Variants in SORBS2 observed in about 807,000 individuals in gnomAD.
SORBS2 encodes the protein sorbin and SH3 domain containing 2.
A neutral mutation model predicts 97.7 loss-of-function variants in SORBS2; 46 were observed. That is an observed-to-expected ratio of 0.47 (90% CI 0.37 to 0.60). The LOEUF is 0.60. Among genes scored for constraint, SORBS2 ranks in the 20% least tolerant of loss-of-function variants. SORBS2 has a pLI of 0.00. For missense variants in SORBS2, 1,316 were observed against 1,282.3 expected (o/e 1.03, Z -0.40); for synonymous variants, 476 against 473.4 (o/e 1.01, Z -0.07).
chr4:185,627,898 G>A lies in SORBS2; in HGVS notation c.447-879C>T, dbSNP rs140766972. ...CTTTCCACACGGCCTCCACAGTTTC[G>A]CCTTTTCACCATGCCCAGTTGATAT... On this transcript the variant is annotated intron_variant, in intron 5 of 14. Transcript: ENST00000418609. Among the ~76,000 whole-genome samples the A allele has an allele frequency of 4.2e-4, 63 of 151,532 alleles. No homozygotes were observed. The East Asian group carries it at 0.011, about 27-fold the overall frequency.
intron 2 of SORBS2, among the ~76,000 whole-genome samples, chr4:185,755,260 G>A (rs894703205): frequency 6.6e-6 from 1 of 152,218 alleles, no homozygotes; most frequent in Non-Finnish European, 1.5e-5. Flanking sequence ...CTTTGGGACT[G>A]ACACCTTTGC....
At chr4:185,803,708 T>C (rs1213171864) in intron 1 of SORBS2, among the ~76,000 whole-genome samples, 1 of 152,192 alleles carries the variant, frequency 6.6e-6, no homozygotes, top group Non-Finnish European at 1.5e-5. Flanking sequence ...TGAGTTATAT[T>C]AGTCCTGTAA....
intron 1 of SORBS2, among the ~76,000 whole-genome samples, chr4:185,782,903 A>C (rs2099038034): frequency 1.3e-5 from 2 of 152,258 alleles, no homozygotes; most frequent in Admixed American, 6.5e-5. Flanking sequence ...ACTTGGGCAC[A>C]GGAAGGCTTG....
intron 12 of SORBS2, 24 bp from the exon 25 acceptor site, chr4:185,593,959 T>A (rs1461833624): frequency 6.5e-7 from 1 of 1,541,528 alleles, no homozygotes; most frequent in Non-Finnish European, 9.0e-7. Context: ...ATTTTCAATG[T>A]AATCAATGTT....
chr4:185,734,569 T>G (rs929631030), intron 2 of SORBS2, among the ~76,000 whole-genome samples: 1 of 152,154 alleles, frequency 6.6e-6, no homozygotes, highest in African/African-American at 2.4e-5. Flanking sequence ...GTCAGCATTT[T>G]AATAGAATGG....
intron 2 of SORBS2, among the ~76,000 whole-genome samples, chr4:185,721,174 A>G (rs1192090955): frequency 1.4e-5 from 2 of 140,996 alleles, no homozygotes; most frequent in Admixed American, 7.6e-5. Flanking sequence ...TCTCGGGTTC[A>G]AGTGATTCTC....
intron 1 of SORBS2, among the ~76,000 whole-genome samples, chr4:185,797,829 C>T (rs1347552345): frequency 6.6e-6 from 1 of 152,188 alleles, no homozygotes; most frequent in African/African-American, 2.4e-5. Flanking sequence ...CACCATCCAG[C>T]CTGCAATGTG....
At chr4:185,945,586 C>A (rs902471022) in intron 1 of SORBS2, among the ~76,000 whole-genome samples, 2 of 152,178 alleles carry the variant, frequency 1.3e-5, no homozygotes, top group African/African-American at 4.8e-5. Context: ...GATTATATTA[C>A]TATAGGAAAT....
At chr4:185,777,183 T>A in intron 1 of SORBS2, among the ~76,000 whole-genome samples, 1 of 152,212 alleles carries the variant, frequency 6.6e-6, no homozygotes, top group East Asian at 1.9e-4. Flanking sequence ...AAATCTCTAA[T>A]CTGAATTTTA....
intron 4 of SORBS2, chr4:185,677,481 G>A (rs762581586): frequency 6.4e-6 from 10 of 1,551,756 alleles, no homozygotes; most frequent in Non-Finnish European, 8.7e-6. Flanking sequence ...ATCTTCATTG[G>A]AATACATAGT....
Position 185,728,295 on chromosome 4 carries a change from T to C in SORBS2, c.-198+46932A>G, listed in dbSNP as rs544552375. The stretch of plus-strand genomic sequence containing the variant: ...AGCTCTGGTTCTACCGTCTGTTACT[T>C]AGGCAAATGTTTTCACCTGACTGTA... On this transcript the variant is annotated intron_variant, in intron 2 of 20. Coordinates refer to the SORBS2 transcript ENST00000284776. 2.0e-5 allele frequency among the ~76,000 whole-genome samples: 3 copies of C among 152,232 alleles called. No individual in the cohort carries two copies. In the East Asian group the frequency reaches 5.8e-4, roughly 29 times the overall value.
At chr4:185,853,203 G>A (rs1025859320) in intron 1 of SORBS2, among the ~76,000 whole-genome samples, 3 of 152,116 alleles carry the variant, frequency 2.0e-5, no homozygotes, top group Non-Finnish European at 2.9e-5. Context: ...AAATAATAGC[G>A]ACCATCACAA....
chr4:185,702,501 A>C (rs2098278536), intron 2 of SORBS2, among the ~76,000 whole-genome samples: 1 of 152,188 alleles, frequency 6.6e-6, no homozygotes, highest in African/African-American at 2.4e-5. Context: ...CCTCCCATTA[A>C]GCCCCATCTC....
chr4:185,735,519 AACAC>A lies in SORBS2; in HGVS notation c.-198+39704_-198+39707del, dbSNP rs146262695. 1.2e-3 allele frequency among the ~76,000 whole-genome samples: 184 copies of A among 150,904 alleles called. 8 individuals are homozygous for A. In the East Asian group the frequency reaches 0.03, roughly 24 times the overall value. On this transcript the variant is annotated intron_variant, in intron 2 of 20. Coordinates refer to the SORBS2 transcript ENST00000284776. ...ACACACACACTCACACACACAAACA[AACAC>A]ACACACTCACATGCGAGCCTTCCCC...
At chr4:185,943,645 G>A (rs2099273175) in intron 1 of SORBS2, among the ~76,000 whole-genome samples, 1 of 152,288 alleles carries the variant, frequency 6.6e-6, no homozygotes, top group East Asian at 1.9e-4. Flanking sequence ...TAATAGAGAT[G>A]AAATTCCTGA....
chr4:185,855,625 G>C (rs751282076), intron 1 of SORBS2, among the ~76,000 whole-genome samples: 1 of 152,100 alleles, frequency 6.6e-6, no homozygotes, highest in Non-Finnish European at 1.5e-5. Flanking sequence ...AAGTAAGAAA[G>C]GTCTATTTAT....
intron 1 of SORBS2, among the ~76,000 whole-genome samples, chr4:185,932,242 G>C (rs66566645): frequency 0.29 from 44,226 of 151,426 alleles, 6,603 homozygotes; most frequent in South Asian, 0.34. Flanking sequence ...AGCTACGAAG[G>C]GGGCAGTGGA....
At chr4:185,868,945 G>A (rs2099228866) in intron 1 of SORBS2, among the ~76,000 whole-genome samples, 1 of 152,194 alleles carries the variant, frequency 6.6e-6, no homozygotes, top group Non-Finnish European at 1.5e-5. Context: ...GTTCAACCTG[G>A]AGGAGAAACA....
rs112680775 is a variant in SORBS2, at chr4:185,868,159, C to CTTTTTTTTTTTTTTTTTTTTTTTTTTT, written c.-338+88036_-338+88037insAAAAAAAAAAAAAAAAAAAAAAAAAAA. On this transcript the variant is annotated intron_variant, in intron 1 of 20. Transcript: ENST00000284776. ...TCTCTTTTCTTTTCTTTTTTTCTTT[C>CTTTTTTTTTTTTTTTTTTTTTTTTTTT]TTTTTTTTTTTTTTTGAGGCAGAGT... Among the ~76,000 whole-genome samples the CTTTTTTTTTTTTTTTTTTTTTTTTTTT allele has an allele frequency of 1.0e-4, 11 of 105,222 alleles. 1 individual carries two copies. The highest frequency in any genetic ancestry group is 1.4e-4 in the Non-Finnish European group (8 of 55,852). The allele number at this position is 105,222 out of a possible 152,430, so 69.0% of individuals were successfully genotyped here.
Sources: gnomAD v4.1 joint callset for allele counts (sites outside exome capture counted in the v4.1 genomes callset) on GRCh38, gnomAD v4.1.1 for gene constraint, MANE v1.5 for transcripts, NCBI Gene and HGNC (gene_info 2026-07-23, HGNC 2026-07-21) for gene names.